The following HMGCLL1 variants were observed in gnomAD, a reference collection of about 807,000 sequenced individuals.
HMGCLL1 encodes 3-hydroxymethyl-3-methylglutaryl-CoA lyase, cytoplasmic.
HMGCLL1 carries 36 observed loss-of-function variants against 39.1 expected under a neutral mutation model. The ratio of observed to expected loss-of-function variants is 0.92; its 90% CI spans 0.71 to 1.22. The LOEUF (loss-of-function observed/expected upper bound fraction) is 1.22, where lower values mean the gene tolerates loss of function less well. Ranked by LOEUF, HMGCLL1 falls within the 50% of genes most tolerant of loss-of-function variation. The pLI is 0.00. For synonymous variants in HMGCLL1, 149 were observed against 144.0 expected (o/e 1.03, Z -0.25); for missense variants, 451 against 416.5 (o/e 1.08, Z -0.72).
At chr6:55,649,479 C>CT in the HMGCLL1 span, among the ~76,000 whole-genome samples, 1 of 147,338 alleles carries the variant, frequency 6.8e-6, no homozygotes, top group Non-Finnish European at 1.5e-5. Flanking sequence ...TTATTTCTTT[C>CT]TTTTTTCTTG....
the HMGCLL1 span, among the ~76,000 whole-genome samples, chr6:55,624,335 T>A: frequency 4.6e-5 from 7 of 152,200 alleles, no homozygotes; most frequent in Non-Finnish European, 7.4e-5. Context: ...CTGTACTAGA[T>A]GTGGTTTCAT....
At chr6:55,592,475 T>C in the HMGCLL1 span, among the ~76,000 whole-genome samples, 1 of 152,044 alleles carries the variant, frequency 6.6e-6, no homozygotes, top group Admixed American at 6.6e-5. Flanking sequence ...ATAGAATAGC[T>C]TAAAATGGTG....
intron 1 of HMGCLL1, among the ~76,000 whole-genome samples, chr6:55,547,346 C>T (rs1770039305): frequency 6.6e-6 from 1 of 151,900 alleles, no homozygotes; most frequent in African/African-American, 2.4e-5. Flanking sequence ...TTGTGTGTAG[C>T]ACACACATTT....
Position 55,516,619 on chromosome 6 carries a change from GT to G in HMGCLL1, c.298-17del. On this transcript the variant is annotated splice_polypyrimidine_tract_variant and intron_variant, in intron 3 of 8. Coordinates refer to ENST00000274901, the MANE Select transcript of HMGCLL1 (RefSeq NM_001042406.2). The stretch of plus-strand genomic sequence containing the variant: ...GATCAGCCATCTTAAATACATAATA[GT>G]TATATGTAAATGTGTAACTTCGAAT... The G allele has an allele frequency of 6.7e-7, 1 of 1,488,060 alleles. No homozygotes were observed. The allele number at this position is 1,488,060 out of a possible 1,614,324, so 92.2% of individuals were successfully genotyped here. A position where few individuals can be genotyped will look rare whatever the true frequency, so the allele number is the denominator to read the frequency against.
intron 5 of HMGCLL1, 23 bp downstream of exon 5, chr6:55,514,025 A>C: frequency 1.2e-6 from 2 of 1,603,720 alleles, no homozygotes; most frequent in Non-Finnish European, 1.7e-6. Context: ...AACAAAACAG[A>C]ATTTGTGGGA....
At chr6:55,469,289 C>A (rs1027231720) in intron 7 of HMGCLL1, among the ~76,000 whole-genome samples, 2 of 150,418 alleles carry the variant, frequency 1.3e-5, no homozygotes, top group Non-Finnish European at 1.5e-5. Context: ...ATTTTTTTTG[C>A]TTCCCATCTA....
chr6:55,490,229 T>C (rs1257190562), intron 7 of HMGCLL1, among the ~76,000 whole-genome samples: 2 of 152,136 alleles, frequency 1.3e-5, no homozygotes, highest in Non-Finnish European at 2.9e-5. Flanking sequence ...GAGCTGTGAC[T>C]TGTGAGAATG....
intron 7 of HMGCLL1, among the ~76,000 whole-genome samples, chr6:55,457,382 A>C (rs771701905): frequency 1.3e-5 from 2 of 152,186 alleles, no homozygotes; most frequent in South Asian, 4.1e-4. Context: ...AAAATAAATA[A>C]ATAAATACAC....
At chr6:55,623,968 C>T in the HMGCLL1 span, among the ~76,000 whole-genome samples, 1 of 151,948 alleles carries the variant, frequency 6.6e-6, no homozygotes, top group Non-Finnish European at 1.5e-5. Context: ...ATTACCTGAC[C>T]TCCATTAGCC....
At chr6:55,646,830 C>T in the HMGCLL1 span, among the ~76,000 whole-genome samples, 7 of 151,770 alleles carry the variant, frequency 4.6e-5, no homozygotes, top group Non-Finnish European at 7.4e-5. Flanking sequence ...GAAAATGATC[C>T]ATGTGCTGAG....
chr6:55,536,490 T>C (rs1340946843), intron 3 of HMGCLL1, among the ~76,000 whole-genome samples: 1 of 152,222 alleles, frequency 6.6e-6, no homozygotes, highest in Non-Finnish European at 1.5e-5. Context: ...AAGATTATTG[T>C]ATTTACAGTT....
chr6:55,541,342 T>A (rs895257028), intron 3 of HMGCLL1, among the ~76,000 whole-genome samples: 11 of 152,132 alleles, frequency 7.2e-5, no homozygotes, highest in African/African-American at 2.7e-4. Context: ...CTCTTCAATA[T>A]GGGATTCTAG....
chr6:55,677,702 T>C, the HMGCLL1 span, among the ~76,000 whole-genome samples: 136,645 of 152,178 alleles, frequency 0.9, 61,911 homozygotes, highest in Non-Finnish European at 0.97. Context: ...CTTATTTTGC[T>C]AAATAACTTA....
At chr6:55,650,169 G>C in the HMGCLL1 span, among the ~76,000 whole-genome samples, 1 of 119,594 alleles carries the variant, frequency 8.4e-6, no homozygotes, top group East Asian at 3.0e-4. Flanking sequence ...ATTTCTCCAG[G>C]ATGATTCCTG....
the HMGCLL1 span, among the ~76,000 whole-genome samples, chr6:55,595,383 T>G: frequency 6.6e-6 from 1 of 152,206 alleles, no homozygotes; most frequent in African/African-American, 2.4e-5. Context: ...ACTGTTAATA[T>G]GTCCACTCCA....
chr6:55,543,036 T>C (rs1769568621), intron 1 of HMGCLL1, among the ~76,000 whole-genome samples: 1 of 112,370 alleles, frequency 8.9e-6, no homozygotes, highest in African/African-American at 3.6e-5. Context: ...ATATAATACA[T>C]CATATATAAT....
At chr6:55,475,410 T>A (rs573479888) in intron 7 of HMGCLL1, among the ~76,000 whole-genome samples, 1 of 151,674 alleles carries the variant, frequency 6.6e-6, no homozygotes, top group African/African-American at 2.4e-5. Context: ...CTCCAGCAAT[T>A]TGTCAAAATT....
At chr6:55,648,002 G>A in the HMGCLL1 span, among the ~76,000 whole-genome samples, 3 of 116,698 alleles carry the variant, frequency 2.6e-5, no homozygotes, top group Admixed American at 2.9e-4. Context: ...TCCCACCTAT[G>A]AGTGAGAATA....
At chr6:55,666,630 C>T in the HMGCLL1 span, among the ~76,000 whole-genome samples, 1 of 151,602 alleles carries the variant, frequency 6.6e-6, no homozygotes, top group South Asian at 2.1e-4. Flanking sequence ...TATTTTCTAG[C>T]TAATGGAGCA....
Sources: allele counts gnomAD v4.1 joint callset (sites outside exome capture counted in the v4.1 genomes callset), GRCh38; gene constraint gnomAD v4.1.1; transcripts MANE v1.5; gene names NCBI Gene and HGNC (gene_info 2026-07-23, HGNC 2026-07-21).